The following LCA5 variants were observed in gnomAD, a reference collection of about 807,000 sequenced individuals.
LCA5 encodes lebercilin.
A neutral mutation model predicts 53.0 loss-of-function variants in LCA5; 37 were observed. The observed-to-expected ratio is 0.70, with a 90% CI of 0.54 to 0.92. The LOEUF (loss-of-function observed/expected upper bound fraction) is 0.92. Ranked by LOEUF, LCA5 falls within the 40% of genes least tolerant of loss-of-function variation. The pLI, the probability that LCA5 is intolerant of heterozygous loss-of-function variation, is 0.00. For synonymous variants in LCA5, 303 were observed against 282.9 expected (o/e 1.07, Z -0.71); for missense variants, 806 against 790.5 (o/e 1.02, Z -0.23).
At chr6:79,513,824 T>A in intron 2 of LCA5, 83 bp from the exon 3 acceptor site, 1 of 1,240,698 alleles carries the variant, frequency 8.1e-7, no homozygotes, top group Non-Finnish European at 1.2e-6. Context: ...AGTGGGTCCG[T>A]AACATTCTTT....
intron 3 of LCA5, among the ~76,000 whole-genome samples, chr6:79,506,885 A>G (rs73747181): frequency 7.9e-4 from 121 of 152,348 alleles, no homozygotes; most frequent in African/African-American, 2.8e-3. Context: ...GTATTTTCCA[A>G]ATGACCAATG....
chr6:79,516,571 A>G lies in LCA5; in HGVS notation c.190+2134T>C, dbSNP rs563537118. ...AAACTCTGAGTATAAATTTTTTAGC[A>G]TATTCTATAACTACAAACTGATCAT... On this transcript the variant is annotated intron_variant, in intron 2 of 7. Coordinates refer to ENST00000369846, the MANE Select transcript of LCA5 (RefSeq NM_001122769.3). Among the ~76,000 whole-genome samples, 6 of 152,116 alleles carry G rather than the reference A, an allele frequency of 3.9e-5. No individual in the cohort carries two copies. In the South Asian group the frequency reaches 1.2e-3, roughly 32 times the overall value.
At chr6:79,516,656 C>T (rs1444825616) in intron 2 of LCA5, among the ~76,000 whole-genome samples, 6 of 151,736 alleles carry the variant, frequency 4.0e-5, no homozygotes, top group South Asian at 2.1e-4. Context: ...ATTTATAAAA[C>T]TATAAGACAA....
chr6:79,510,850 T>C (rs7766480), intron 3 of LCA5, among the ~76,000 whole-genome samples: 180 of 152,082 alleles, frequency 1.2e-3, no homozygotes, highest in Non-Finnish European at 2.1e-3. Flanking sequence ...GAAAGGCAAA[T>C]TAAAACCACA....
rs114305333 is a variant in LCA5 at position 79,499,638 on chromosome 6, G to A, written c.721-5888C>T. 6.6e-3 allele frequency among the ~76,000 whole-genome samples: 990 copies of A among 151,036 alleles called. 10 individuals are homozygous for A. The highest frequency in any genetic ancestry group is 0.023 in the African/African-American group (946 of 41,196). On this transcript the variant is annotated intron_variant, in intron 3 of 7. Transcript: ENST00000369846. ...GAAAATGCAAATAGTAGTTATCTTC[G>A]GCTGGCAGGACTATGGATATTTTTG... is the stretch of plus-strand genomic sequence containing the variant.
At chr6:79,502,896 C>A (rs1291617244) in intron 3 of LCA5, among the ~76,000 whole-genome samples, 2 of 151,868 alleles carry the variant, frequency 1.3e-5, no homozygotes, top group Admixed American at 6.6e-5. Context: ...TGTTTTGTTT[C>A]TTGAGACAGA....
At chr6:79,516,457 A>G (rs1766439270) in intron 2 of LCA5, among the ~76,000 whole-genome samples, 1 of 152,022 alleles carries the variant, frequency 6.6e-6, no homozygotes, top group Non-Finnish European at 1.5e-5. Context: ...AACTTGTTTT[A>G]TATGAAAAGT....
chr6:79,507,295 TATAAC>T (rs575405118), intron 3 of LCA5, among the ~76,000 whole-genome samples: 2 of 152,288 alleles, frequency 1.3e-5, no homozygotes, highest in Non-Finnish European at 2.9e-5. Context: ...TAAAAGATCT[TATAAC>T]ATATAATGAG....
chr6:79,498,119 C>T (rs576581643), intron 3 of LCA5, among the ~76,000 whole-genome samples: 2 of 151,548 alleles, frequency 1.3e-5, no homozygotes, highest in East Asian at 3.9e-4. Context: ...AAAATACACA[C>T]TGATGCATTT....
At chr6:79,538,408 C>T (rs528986236), upstream of LCA5, among the ~76,000 whole-genome samples, 3 of 152,274 alleles carry the variant, frequency 2.0e-5, no homozygotes, top group African/African-American at 7.2e-5. Flanking sequence ...TTTATCCTGT[C>T]AATACATTTT....
chr6:79,519,845 CA>C (rs962421397), intron 1 of LCA5, among the ~76,000 whole-genome samples: 2 of 150,970 alleles, frequency 1.3e-5, no homozygotes, highest in Admixed American at 6.6e-5. Flanking sequence ...GCAAACATGA[CA>C]AAAAATTGTT....
At chr6:79,518,624 A>G in intron 2 of LCA5, 81 bp downstream of exon 2, 2 of 1,263,374 alleles carry the variant, frequency 1.6e-6, no homozygotes, top group South Asian at 1.2e-5. Context: ...TACTAATAAA[A>G]GAGTATCATG....
Position 79,487,308 on chromosome 6 carries a change from C to A in LCA5, c.1790G>T (p.Arg597Ile), listed in dbSNP as rs754926913. Residue 597 changes from arginine to isoleucine, a missense_variant, in exon 8 of 8, where the codon AGA becomes ATA. By Grantham distance (97) the Arg-to-Ile change is moderately conservative. Transcript: ENST00000369846. ...CATCAAATTAGCTTTTTTCTCTTTT[C>A]TTGTAATTAAATCTACACCATCTTT... ...LSKDGVDLITRKEKKANLMEQ... is the reference protein window; with the variant it reads ...LSKDGVDLITIKEKKANLMEQ... 1 of 1,613,888 alleles carries A rather than the reference C, an allele frequency of 6.2e-7. No homozygotes were observed. Among genetic ancestry groups the A allele is most frequent in the African/African-American group, 1.3e-5 (1 of 75,016 alleles).
At chr6:79,524,642 T>C (rs1171480683) in intron 1 of LCA5, among the ~76,000 whole-genome samples, 3 of 152,200 alleles carry the variant, frequency 2.0e-5, no homozygotes, top group African/African-American at 7.2e-5. Context: ...GAACAGAAAG[T>C]AAATTCCCTT....
At chr6:79,509,247 G>A (rs950559575) in intron 3 of LCA5, among the ~76,000 whole-genome samples, 1 of 152,110 alleles carries the variant, frequency 6.6e-6, no homozygotes, top group Admixed American at 6.5e-5. Context: ...CTGAGATCAG[G>A]AGTTCCAGGC....
In LCA5 at chr6:79,518,720, G is replaced by C; in HGVS notation, c.175C>G (p.Gln59Glu). 1 of 1,613,978 alleles carries C rather than the reference G, an allele frequency of 6.2e-7. No homozygotes were observed. Among genetic ancestry groups the C allele is most frequent in the Non-Finnish European group, 8.5e-7 (1 of 1,179,934 alleles). Residue 59 changes from glutamine to glutamate, a missense_variant, in exon 2 of 8, where the codon CAA becomes GAA. By Grantham distance (29) the Gln-to-Glu change is conservative (BLOSUM62 2). Transcript: ENST00000369846. ...GAATGCTTACCTTGGTGATGTACTT[G>C]GCCATCTGAAGTTTGTCTTTTAGGA... ...KNPKRQTSDG[Q>E]VHHQAPRKPS...
At chr6:79,515,631 C>T (rs1290343827) in intron 2 of LCA5, among the ~76,000 whole-genome samples, 2 of 151,900 alleles carry the variant, frequency 1.3e-5, no homozygotes, top group African/African-American at 4.8e-5. Flanking sequence ...GGAGAAAATG[C>T]ATTCCAGAGT....
At chr6:79,500,145 C>T (rs1194310105) in intron 3 of LCA5, among the ~76,000 whole-genome samples, 2 of 151,882 alleles carry the variant, frequency 1.3e-5, no homozygotes, top group Non-Finnish European at 2.9e-5. Context: ...TGAATAGTGC[C>T]GCAGTAAACA....
In LCA5 at chr6:79,487,173, C is replaced by A. The variant is rs1246123213; in HGVS notation, c.1925G>T (p.Gly642Val). ...TTCTTGATCTCTGCTGCCTTTATTCCCAGGGAGAAAATTTAGAGGGTCAAT... is the reference window on the plus strand; with the variant it reads ...TTCTTGATCTCTGCTGCCTTTATTCACAGGGAGAAAATTTAGAGGGTCAAT... ...GDIDPLNFLPGNKGSRDQEHD... is the reference protein window; with the variant it reads ...GDIDPLNFLPVNKGSRDQEHD... Residue 642 changes from glycine (G) to valine (V), a missense_variant, in exon 8 of 8, where the codon GGG becomes GTG. Physicochemically the swap from Gly to Val is moderately radical, Grantham distance 109 (BLOSUM62 -3). Coordinates refer to ENST00000369846, the MANE Select transcript of LCA5 (RefSeq NM_001122769.3). 6.2e-7 allele frequency: 1 copy of A among 1,613,836 alleles called. No individual in the cohort carries two copies. The highest frequency in any genetic ancestry group is 8.5e-7 in the Non-Finnish European group (1 of 1,179,900).
Sources: gnomAD v4.1 joint callset for allele counts (sites outside exome capture counted in the v4.1 genomes callset) on GRCh38, gnomAD v4.1.1 for gene constraint, MANE v1.5 for transcripts, NCBI Gene and HGNC (gene_info 2026-07-23, HGNC 2026-07-21) for gene names.